Variants in NPIPB4 observed in about 807,000 individuals in gnomAD.
The protein encoded by NPIPB4 is nuclear pore complex interacting protein family member B4.
For missense variants in NPIPB4, 105 were observed against 513.7 expected (o/e 0.20, Z 7.69); for synonymous variants, 31 against 194.1 (o/e 0.16, Z 6.99).
In NPIPB4 at chr16:21,850,379, G is replaced by A. The variant is rs370649731; in HGVS notation, c.121-2838C>T. 1.0e-2 allele frequency among the ~76,000 whole-genome samples: 1,489 copies of A among 149,204 alleles called. 13 individuals carry two copies. Among genetic ancestry groups the A allele is most frequent in the East Asian group, 0.061 (284 of 4,662 alleles). ...TTAAGGTTATATATTTTGGCCAGGC[G>A]CGGTGGCTCACGCCTGTAATCCCAG... is the stretch of plus-strand genomic sequence containing the variant. On this transcript the variant is annotated intron_variant, in intron 2 of 7. Coordinates refer to ENST00000682606, the MANE Select transcript of NPIPB4 (RefSeq NM_001384980.1).
intron 7 of NPIPB4, chr16:21,838,471 GAGAGATGTGGATTCCTGA>G: frequency 5.9e-3 from 3 of 510 alleles, no homozygotes; most frequent in Admixed American, 0.041. Flanking sequence ...AAGAGCTCTG[GAGAGATGTGGATTCCTGA>G]AGAGCTGCAG....
chr16:21,841,320 CAG>C (rs1424358326), intron 5 of NPIPB4, among the ~76,000 whole-genome samples: 48 of 137,734 alleles, frequency 3.5e-4, no homozygotes, highest in African/African-American at 1.2e-3. Flanking sequence ...CGCTAGGAAA[CAG>C]GGGCGAAAAC....
intron 2 of NPIPB4, among the ~76,000 whole-genome samples, chr16:21,850,485 C>A (rs1184094232): frequency 6.6e-6 from 1 of 151,978 alleles, no homozygotes; most frequent in Non-Finnish European, 1.5e-5. Flanking sequence ...CCCATCTCTA[C>A]TAAAAACACA....
intron 2 of NPIPB4, among the ~76,000 whole-genome samples, chr16:21,850,264 T>A (rs1297245822): frequency 6.8e-6 from 1 of 146,868 alleles, no homozygotes; most frequent in East Asian, 2.0e-4. Flanking sequence ...TGTCTCAAAA[T>A]AAATAAATAA....
At chr16:21,843,186 T>C (rs879096449) in intron 5 of NPIPB4, among the ~76,000 whole-genome samples, 200 bp downstream of exon 5, 5 of 124,076 alleles carry the variant, frequency 4.0e-5, no homozygotes, top group East Asian at 2.5e-4. Flanking sequence ...CTCCTCTTCC[T>C]CCGAAAAAAT....
At chr16:21,841,248 C>T (rs1013005764) in intron 5 of NPIPB4, among the ~76,000 whole-genome samples, 4 of 143,026 alleles carry the variant, frequency 2.8e-5, no homozygotes, top group African/African-American at 1.0e-4. Context: ...ATTCATGGTC[C>T]TGATCCTAAG....
intron 5 of NPIPB4, among the ~76,000 whole-genome samples, chr16:21,841,262 C>T (rs1901755758): frequency 7.0e-6 from 1 of 143,204 alleles, no homozygotes; most frequent in East Asian, 2.1e-4. Context: ...TCCTAAGGAT[C>T]TCACCTGATA....
In NPIPB4 at chr16:21,836,397, G is replaced by C. The variant is rs1377534671; in HGVS notation, c.1990C>G (p.Arg664Gly). Reference protein sequence around the residue: ...SRYLLSVCGFRFHHQPMIISR... With the variant: ...SRYLLSVCGFGFHHQPMIISR... Reference sequence around the variant, plus strand: ...ATTATCATCGGCTGATGGTGGAAGCGGAATCCGCAGACGCTCAGCAGGTAT... The same window carrying C: ...ATTATCATCGGCTGATGGTGGAAGCCGAATCCGCAGACGCTCAGCAGGTAT... Residue 664 changes from arginine to glycine, a missense_variant, in exon 8 of 8, where the codon CGC becomes GGC. By Grantham distance (125) the Arg-to-Gly change is moderately radical (BLOSUM62 -2). Coordinates refer to ENST00000682606, the MANE Select transcript of NPIPB4 (RefSeq NM_001384980.1). 5.9e-6 allele frequency: 7 copies of C among 1,185,096 alleles called. No individual in the cohort carries two copies. The highest frequency in any genetic ancestry group is 8.1e-6 in the Non-Finnish European group (7 of 859,546). The allele number at this position is 1,185,096 out of a possible 1,614,324, so 73.4% of individuals were successfully genotyped here.
At chr16:21,850,471 A>G (rs1321697324) in intron 2 of NPIPB4, among the ~76,000 whole-genome samples, 1 of 152,038 alleles carries the variant, frequency 6.6e-6, no homozygotes, top group African/African-American at 2.4e-5. Flanking sequence ...GAACATGGTG[A>G]AACCCCATCT....
rs754628418 is a variant in NPIPB4 at position 21,836,444 on chromosome 16, G to A, written c.1943C>T (p.Pro648Leu). 3.3e-6 allele frequency: 4 copies of A among 1,218,992 alleles called. No homozygotes were observed. In the East Asian group the frequency reaches 7.5e-5, roughly 23 times the overall value. 75.5% of individuals were successfully genotyped at this position (1,218,992 alleles called of 1,614,324 possible). The change falls in exon 8 of 8, where the codon CCT (proline) becomes CTT (leucine). Residue 648 changes from proline to leucine, a missense_variant. Transcript: ENST00000682606. The stretch of plus-strand genomic sequence containing the variant: ...GTATCTTGATATTATCATCTGCTGA[G>A]GGTGGAGCTGAGGGTGGAAGGGGAG... The part of the protein sequence containing the change: ...SSLPFHPQLH[P>L]QQMIISRYLL...
intron 2 of NPIPB4, among the ~76,000 whole-genome samples, chr16:21,850,285 T>C (rs1306126112): frequency 7.0e-6 from 1 of 143,332 alleles, no homozygotes; most frequent in Non-Finnish European, 1.6e-5. Flanking sequence ...ATAAATAAAA[T>C]AATGTAGATC....
At chr16:21,841,925 G>T (rs1252470206) in intron 5 of NPIPB4, among the ~76,000 whole-genome samples, 3 of 151,630 alleles carry the variant, frequency 2.0e-5, no homozygotes, top group Non-Finnish European at 4.4e-5. Context: ...CGCTGGCTCT[G>T]GTTGAGACCC....
At position 21,837,093 on chromosome 16, in the gene NPIPB4, CGG is replaced by C; in HGVS notation, c.1292_1293del (p.Ser431Ter). 2.5e-5 allele frequency: 4 copies of C among 157,648 alleles called. 1 individual carries two copies. The highest frequency in any genetic ancestry group is 3.7e-5 in the Non-Finnish European group (4 of 109,248). The allele number at this position is 157,648 out of a possible 1,614,324, so 9.8% of individuals were successfully genotyped here. A position where few individuals can be genotyped will look rare whatever the true frequency, so the allele number is the denominator to read the frequency against. Reference sequence around the variant, plus strand: ...GGTGGAAGGGGAGTGAGCTGACGCTCGGAAGGTGTCTTGAGATTATCATCCGC... The same window carrying C: ...GGTGGAAGGGGAGTGAGCTGACGCTCAAGGTGTCTTGAGATTATCATCCGC... ...PSADDNLKTP[S>X]ERQLTPLPPS... On this transcript the variant is annotated frameshift_variant, in exon 8 of 8. Coordinates refer to ENST00000682606, the MANE Select transcript of NPIPB4 (RefSeq NM_001384980.1). LOFTEE classifies it low-confidence loss of function (END_TRUNC).
chr16:21,840,471 C>G (rs1219560266), intron 5 of NPIPB4, among the ~76,000 whole-genome samples: 1 of 148,858 alleles, frequency 6.7e-6, no homozygotes, highest in Non-Finnish European at 1.5e-5. Context: ...GATCCACCAG[C>G]CCGTGTGGGA....
intron 5 of NPIPB4, among the ~76,000 whole-genome samples, chr16:21,841,990 G>A (rs1005652589): frequency 7.9e-5 from 12 of 151,574 alleles, no homozygotes; most frequent in African/African-American, 2.9e-4. Context: ...GCCTTTGTAG[G>A]GACTGAGCCT....
intron 2 of NPIPB4, chr16:21,851,246 G>A (rs1430509841): frequency 3.0e-5 from 6 of 201,264 alleles, no homozygotes; most frequent in East Asian, 4.2e-4. Flanking sequence ...GACCGGGGCC[G>A]GATCTGAGTT....
Position 21,837,368 on chromosome 16 carries a change from T to C in NPIPB4, c.1019A>G (p.Lys340Arg), listed in dbSNP as rs751432616. The C allele has an allele frequency of 1.9e-5, 25 of 1,349,290 alleles. 8 individuals are homozygous for C. The Admixed American group carries it at 5.0e-4, about 27-fold the overall frequency. 83.6% of individuals were successfully genotyped at this position (1,349,290 alleles called of 1,614,324 possible). The change falls in exon 8 of 8, where the codon AAG becomes AGG. Residue 340 changes from lysine to arginine, a missense_variant. By Grantham distance (26) the Lys-to-Arg change is conservative. Transcript: ENST00000682606. ...PLPPSADDKL[K>R]TPPECLLTPL... Reference sequence around the variant, plus strand: ...AGTGAGCAGACACTCGGGAGGTGTCTTGAGTTTATCATCCGCTGAGGGTGG... The same window carrying C: ...AGTGAGCAGACACTCGGGAGGTGTCCTGAGTTTATCATCCGCTGAGGGTGG...
chr16:21,850,185 TGG>T (rs1220513202), intron 2 of NPIPB4, among the ~76,000 whole-genome samples: 2 of 131,310 alleles, frequency 1.5e-5, no homozygotes, highest in African/African-American at 2.7e-5. Flanking sequence ...CGCTCGAACC[TGG>T]GAAGCAGAGG....
In NPIPB4 at chr16:21,836,451, GCTGAGGGTGGAA is replaced by G; in HGVS notation, c.1924_1935del (p.Phe642_Gln645del). On this transcript the variant is annotated inframe_deletion, in exon 8 of 8. Transcript: ENST00000682606. The stretch of plus-strand genomic sequence containing the variant: ...GATATTATCATCTGCTGAGGGTGGA[GCTGAGGGTGGAA>G]GGGGAGTGAGCTGACGCTCGGAAGG... The G allele has an allele frequency of 8.2e-7, 1 of 1,212,792 alleles. No homozygotes were observed. Among genetic ancestry groups the G allele is most frequent in the African/African-American group, 1.8e-5 (1 of 54,926 alleles). The allele number at this position is 1,212,792 out of a possible 1,614,324, so 75.1% of individuals were successfully genotyped here. A position where few individuals can be genotyped will look rare whatever the true frequency, so the allele number is the denominator to read the frequency against.
Sources: gnomAD v4.1 joint callset for allele counts (sites outside exome capture counted in the v4.1 genomes callset) on GRCh38, gnomAD v4.1.1 for gene constraint, MANE v1.5 for transcripts, NCBI Gene and HGNC (gene_info 2026-07-23, HGNC 2026-07-21) for gene names.